Variants in TSHZ1 observed in about 807,000 individuals in gnomAD.
TSHZ1 encodes the protein teashirt zinc finger homeobox 1.
Under a neutral mutation model 67.1 loss-of-function variants are expected in TSHZ1, and 12 were observed. That is an observed-to-expected ratio of 0.18 (90% confidence interval 0.11 to 0.29). TSHZ1 has a LOEUF of 0.29. Ranked by LOEUF, TSHZ1 falls within the 10% of genes least tolerant of loss-of-function variation. TSHZ1 has a pLI of 1.00. For missense variants in TSHZ1, 1,305 were observed against 1,413.9 expected, an observed-to-expected ratio of 0.92 and a Z score of 1.23; for synonymous variants, 632 against 622.4, an observed-to-expected ratio of 1.02 and a Z score of -0.23.
intron 1 of TSHZ1, among the ~76,000 whole-genome samples, chr18:75,229,349 A>T (rs754637239): frequency 1.2e-4 from 18 of 152,236 alleles, no homozygotes; most frequent in Non-Finnish European, 1.2e-4. Flanking sequence ...GATGCGTCTC[A>T]TCTCTGGGAG....
At chr18:75,233,524 T>A (rs953480379) in intron 1 of TSHZ1, among the ~76,000 whole-genome samples, 1 of 152,178 alleles carries the variant, frequency 6.6e-6, no homozygotes, top group Admixed American at 6.5e-5. Context: ...TCACCAGTTG[T>A]TAACGTCTGA....
chr18:75,277,876 T>C (rs1320498652), intron 1 of TSHZ1, among the ~76,000 whole-genome samples: 1 of 152,156 alleles, frequency 6.6e-6, no homozygotes, highest in Non-Finnish European at 1.5e-5. Flanking sequence ...CCAAAAGACA[T>C]TGTTCCAATG....
Position 75,211,882 on chromosome 18 carries a change from G to T in TSHZ1, c.6G>T (p.Pro2=). 8.4e-7 allele frequency: 1 copy of T among 1,193,578 alleles called. No homozygotes were observed. The highest frequency in any genetic ancestry group is 4.2e-5 in the South Asian group (1 of 24,034). The allele number at this position is 1,193,578 out of a possible 1,614,324, so 73.9% of individuals were successfully genotyped here. ...GGCTGCGGCGGCCGAGCAGCATGCC[G>T]AGGAGGAAGCAGCAGGCCCCCCGGC... is the stretch of plus-strand genomic sequence containing the variant. M[P]RRKQQAPRRS... is the part of the protein sequence containing the mutation. The change falls in exon 1 of 2, where the codon CCG becomes CCT. Residue 2 remains proline (P), a synonymous_variant. Transcript: ENST00000580243.
At chr18:75,272,742 T>TC (rs1210324748) in intron 1 of TSHZ1, among the ~76,000 whole-genome samples, 1 of 152,226 alleles carries the variant, frequency 6.6e-6, no homozygotes, top group Non-Finnish European at 1.5e-5. Context: ...TCGTTGTCAA[T>TC]CCAAGTATGT....
chr18:75,285,557 G>A lies in TSHZ1; in HGVS notation c.150G>A (p.Glu50=), dbSNP rs771639889. 31 of 1,589,520 alleles carry A rather than the reference G, an allele frequency of 2.0e-5. No homozygotes were observed. Among genetic ancestry groups the A allele is most frequent in the Admixed American group, 3.4e-5 (2 of 58,862 alleles). Residue 50 remains glutamate (E), a synonymous_variant, in exon 2 of 2, where the codon GAG becomes GAA. Transcript: ENST00000580243. ...AAAGTGAGTACATGTGCAATGAAGA[G>A]ACGGAGATCAAAGAGGCGCAGAGCT... The part of the protein sequence containing the change: ...IQESEYMCNE[E]TEIKEAQSYQ...
At chr18:75,251,705 C>G (rs1030172257) in intron 1 of TSHZ1, among the ~76,000 whole-genome samples, 1 of 152,018 alleles carries the variant, frequency 6.6e-6, no homozygotes, top group Admixed American at 6.5e-5. Context: ...TTGGATTACA[C>G]GTGAGGGGGG....
chr18:75,224,070 A>C (rs2022885635), intron 1 of TSHZ1, among the ~76,000 whole-genome samples: 1 of 150,586 alleles, frequency 6.6e-6, no homozygotes, highest in East Asian at 1.9e-4. Flanking sequence ...GTAAAAAAAA[A>C]AAAAAAAAAA....
intron 1 of TSHZ1, among the ~76,000 whole-genome samples, chr18:75,254,287 A>G (rs1313094946): frequency 6.6e-6 from 1 of 152,242 alleles, no homozygotes; most frequent in African/African-American, 2.4e-5. Flanking sequence ...TTATGGGACT[A>G]CAGGATGCTT....
At chr18:75,263,421 G>T (rs1233849486) in intron 1 of TSHZ1, among the ~76,000 whole-genome samples, 1 of 152,096 alleles carries the variant, frequency 6.6e-6, no homozygotes, top group African/African-American at 2.4e-5. Flanking sequence ...GTATAAATAA[G>T]TTATCAATAA....
chr18:75,285,731 C>G lies in TSHZ1; in HGVS notation c.324C>G (p.Tyr108Ter). ...CGCAGTGTCCCGACAGCGTCTCGTA[C>G]CCCCAGGACAGCCTGGCACAGATCA... Reference protein sequence around the residue: ...EDPQCPDSVSYPQDSLAQIKA... With the variant: ...EDPQCPDSVS The change falls in exon 2 of 2, where the codon TAC becomes TAG. Residue 108 changes from tyrosine (Y) to a stop codon, truncating the protein, a stop_gained. Coordinates refer to ENST00000580243, the MANE Select transcript of TSHZ1 (RefSeq NM_001308210.2). LOFTEE classifies it high-confidence loss of function. 6.2e-7 allele frequency: 1 copy of G among 1,613,974 alleles called. No individual in the cohort carries two copies. The highest frequency in any genetic ancestry group is 8.5e-7 in the Non-Finnish European group (1 of 1,179,896).
chr18:75,240,390 C>T (rs1293653906), intron 1 of TSHZ1, among the ~76,000 whole-genome samples: 1 of 150,268 alleles, frequency 6.7e-6, no homozygotes, highest in Non-Finnish European at 1.5e-5. Context: ...GACCTTTGGT[C>T]AAGCTTGAAA....
At chr18:75,266,404 C>T (rs1234830653) in intron 1 of TSHZ1, among the ~76,000 whole-genome samples, 2 of 152,072 alleles carry the variant, frequency 1.3e-5, no homozygotes, top group Non-Finnish European at 2.9e-5. Context: ...AGTTCGTGTG[C>T]AGATAACATA....
At chr18:75,280,398 C>T (rs577442287) in intron 1 of TSHZ1, among the ~76,000 whole-genome samples, 1 of 152,368 alleles carries the variant, frequency 6.6e-6, no homozygotes, top group African/African-American at 2.4e-5. Context: ...TCATTTATAA[C>T]ACTGTGTCTG....
At chr18:75,215,964 GTGTGTT>G (rs2022761418) in intron 1 of TSHZ1, among the ~76,000 whole-genome samples, 1 of 151,838 alleles carries the variant, frequency 6.6e-6, no homozygotes, top group Non-Finnish European at 1.5e-5. Context: ...ATGTGTGTCT[GTGTGTT>G]TGTGTTTGTG....
chr18:75,226,750 C>T (rs1375764892), intron 1 of TSHZ1, among the ~76,000 whole-genome samples: 1 of 152,114 alleles, frequency 6.6e-6, no homozygotes, highest in Non-Finnish European at 1.5e-5. Flanking sequence ...TGTCATTTAT[C>T]AAAGGGGCCA....
chr18:75,229,970 A>G (rs2022976496), intron 1 of TSHZ1, among the ~76,000 whole-genome samples: 1 of 152,198 alleles, frequency 6.6e-6, no homozygotes, highest in African/African-American at 2.4e-5. Context: ...AATGCTCATA[A>G]TGGTGGTGAT....
intron 1 of TSHZ1, among the ~76,000 whole-genome samples, chr18:75,232,806 T>C (rs544766136): frequency 6.6e-6 from 1 of 152,376 alleles, no homozygotes; most frequent in East Asian, 1.9e-4. Flanking sequence ...CTGTATATTT[T>C]GCAACATCCT....
intron 1 of TSHZ1, among the ~76,000 whole-genome samples, chr18:75,256,668 TGTG>T (rs1374812533): frequency 6.6e-6 from 1 of 152,200 alleles, no homozygotes; most frequent in African/African-American, 2.4e-5. Context: ...ATGAAAGAAA[TGTG>T]GGGAAAAATC....
At chr18:75,226,260 G>A (rs1419521111) in intron 1 of TSHZ1, among the ~76,000 whole-genome samples, 3 of 152,202 alleles carry the variant, frequency 2.0e-5, no homozygotes, top group African/African-American at 7.2e-5. Flanking sequence ...GTCTGTGTCT[G>A]CAAAGGATTG....
Sources: gnomAD v4.1 joint callset for allele counts (sites outside exome capture counted in the v4.1 genomes callset) on GRCh38, gnomAD v4.1.1 for gene constraint, MANE v1.5 for transcripts, NCBI Gene and HGNC (gene_info 2026-07-23, HGNC 2026-07-21) for gene names.